Variants in FAM50A observed in about 807,000 individuals in gnomAD.
The protein encoded by FAM50A is protein FAM50A.
Under a neutral mutation model 35.5 loss-of-function variants are expected in FAM50A, and 6 were observed. That is an observed-to-expected ratio of 0.17 (90% CI 0.09 to 0.33). The LOEUF is 0.33. Ranked by LOEUF, FAM50A falls within the 10% of genes least tolerant of loss-of-function variation. The pLI is 1.00. For missense variants in FAM50A, 145 were observed against 295.5 expected (o/e 0.49, Z 3.73); for synonymous variants, 120 against 110.9 (o/e 1.08, Z -0.52).
At chrX:154,448,071 TC>T (rs1557200014) in intron 4 of FAM50A, among the ~76,000 whole-genome samples, 1 of 91,314 alleles carries the variant, frequency 1.1e-5, no homozygotes, top group African/African-American at 6.4e-5. Context: ...TTTTTTTCTT[TC>T]TTTTTTTTTT....
rs782419340 is a variant in FAM50A, at chrX:154,449,898, G to A, written c.796G>A (p.Asp266Asn). 3 of 1,211,370 alleles carry A rather than the reference G, an allele frequency of 2.5e-6. No individual in the cohort carries two copies. Among genetic ancestry groups the A allele is most frequent in the African/African-American group, 1.7e-5 (1 of 57,691 alleles). ...LIIPHHHSFY[D>N]FIVTKARGKS... is the part of the protein sequence containing the mutation. ...TGGCTCCCAGCATCACAGCTTCTAC[G>A]ACTTCATCGTCACCAAGGCACGGGG... The change falls in exon 10 of 13, where the codon GAC becomes AAC. Residue 266 changes from aspartate (D) to asparagine (N), a missense_variant. Asp to Asn is a conservative substitution (Grantham distance 23, BLOSUM62 1). Around this residue, in one of 5 missense-constraint regions of FAM50A, gnomAD observed 59 missense variants for 164.5 expected, o/e 0.36. Coordinates refer to ENST00000393600, the MANE Select transcript of FAM50A (RefSeq NM_004699.4).
At chrX:154,445,968 C>A in intron 3 of FAM50A, 57 bp downstream of exon 3, 1 of 975,881 alleles carries the variant, frequency 1.0e-6, no homozygotes, top group Non-Finnish European at 1.4e-6. Flanking sequence ...GGTCCCGTGG[C>A]TGGTCGGGCT....
intron 4 of FAM50A, among the ~76,000 whole-genome samples, chrX:154,447,928 G>A (rs1412415664): frequency 2.7e-5 from 3 of 111,160 alleles, no homozygotes; most frequent in African/African-American, 6.6e-5. Context: ...ACAAAACACT[G>A]CTTGGTGGGC....
At position 154,447,952 on chromosome X, in the gene FAM50A, C is replaced by T. The variant is rs3788801; in HGVS notation, c.443-532C>T. ...TGCTTGGTGGGCTCTTCCCTCCCTCCACAGGTTCCGTTTAGGGGGCCCAGC... is the reference window on the plus strand; with the variant it reads ...TGCTTGGTGGGCTCTTCCCTCCCTCTACAGGTTCCGTTTAGGGGGCCCAGC... On this transcript the variant is annotated intron_variant, in intron 4 of 12. Transcript: ENST00000393600. Among the ~76,000 whole-genome samples the T allele has an allele frequency of 1.9e-4, 21 of 111,240 alleles. 1 individual carries two copies. In the East Asian group the frequency reaches 5.9e-3, roughly 31 times the overall value.
rs782255264 is a variant in FAM50A at position 154,445,775 on chromosome X, G to A, written c.197-37G>A. ...CCCGGGCCACTCTTCCGCTGGCCCT[G>A]CGACTACCTTGCCCCTTGTGCCTCC... On this transcript the variant is annotated intron_variant, in intron 2 of 12. Transcript: ENST00000393600. 1.4e-5 allele frequency: 17 copies of A among 1,195,850 alleles called. 1 individual carries two copies. The South Asian group carries it at 2.3e-4, about 16-fold the overall frequency.
rs906782320 is a variant in FAM50A at position 154,448,949 on chromosome X, G to A, written c.643G>A (p.Val215Ile). 7 of 1,208,699 alleles carry A rather than the reference G, an allele frequency of 5.8e-6. No homozygotes were observed. The highest frequency in any genetic ancestry group is 7.8e-6 in the Non-Finnish European group (7 of 892,874). The change falls in exon 7 of 13, where the codon GTC becomes ATC. Residue 215 changes from valine to isoleucine, a missense_variant. Coordinates refer to ENST00000393600, the MANE Select transcript of FAM50A (RefSeq NM_004699.4). ...GGATGGCTCTGGGCACCGGCGGACA[G>A]TCAAGGTAGGCAGCGTGCAGCCTGC... ...YWDGSGHRRT[V>I]KMRKGNTMQQ...
Position 154,450,511 on chromosome X carries a change from G to A in FAM50A, c.*79G>A. ...GGTGTCACCGGGACTCCAGGCACCC[G>A]CTCCCCTGCGACCATGCCAGGCACG... On this transcript the variant is annotated 3_prime_UTR_variant, in exon 13 of 13. Coordinates refer to ENST00000393600, the MANE Select transcript of FAM50A (RefSeq NM_004699.4). The A allele has an allele frequency of 6.6e-6, 7 of 1,061,049 alleles. No individual in the cohort carries two copies. Among genetic ancestry groups the A allele is most frequent in the Admixed American group, 2.3e-5 (1 of 43,079 alleles). The allele number at this position is 1,061,049 out of a possible 1,213,427, so 87.4% of individuals were successfully genotyped here. A position where few individuals can be genotyped will look rare whatever the true frequency, so the allele number is the denominator to read the frequency against.
intron 3 of FAM50A, 52 bp downstream of exon 3, chrX:154,445,963 C>T (rs782425221): frequency 1.9e-5 from 19 of 1,007,691 alleles, no homozygotes; most frequent in Admixed American, 7.2e-5. Flanking sequence ...TACGGGGTCC[C>T]GTGGCTGGTC....
At position 154,449,699 on chromosome X, in the gene FAM50A, G is replaced by A; in HGVS notation, c.744G>A (p.Gln248=). 1.7e-6 allele frequency: 2 copies of A among 1,211,078 alleles called. No individual in the cohort carries two copies. The highest frequency in any genetic ancestry group is 2.2e-6 in the Non-Finnish European group (2 of 894,800). ...CCCTCAGGTCCGCAGGGGTGGAGCA[G>A]CTCATGTACATCAAGGAGGACTTGA... The part of the protein sequence containing the change: ...FSELRSAGVE[Q]LMYIKEDLII... The change falls in exon 9 of 13, where the codon CAG becomes CAA. Residue 248 remains glutamine, a synonymous_variant. Coordinates refer to ENST00000393600, the MANE Select transcript of FAM50A (RefSeq NM_004699.4).
rs1557200393 is a variant in FAM50A at position 154,450,203 on chromosome X, C to T, written c.901-6C>T. ...CAGGCGGCCCTGTGCCCTCTTCCTC[C>T]CTTAGTCCCATGCAGGCAAGGTGGT... On this transcript the variant is annotated splice_region_variant and splice_polypyrimidine_tract_variant and intron_variant, in intron 11 of 12. Transcript: ENST00000393600. 2 of 1,209,511 alleles carry T rather than the reference C, an allele frequency of 1.7e-6. No individual in the cohort carries two copies. The highest frequency in any genetic ancestry group is 1.8e-5 in the South Asian group (1 of 56,940).
chrX:154,449,848 C>T, intron 9 of FAM50A, 35 bp from the exon 10 acceptor site: 1 of 1,206,948 alleles, frequency 8.3e-7, no homozygotes, highest in African/African-American at 1.7e-5. Context: ...CGAGATGGAC[C>T]ATCAAGACGC....
Position 154,450,015 on chromosome X carries a change from C to T in FAM50A, c.830-14C>T. ...GCAGCAGCGGGACATTGGGCTGTCA[C>T]TTCTCCCCTGCAGGACCACTCTTCA... On this transcript the variant is annotated splice_polypyrimidine_tract_variant and intron_variant, in intron 10 of 12. Transcript: ENST00000393600. 8.3e-7 allele frequency: 1 copy of T among 1,210,961 alleles called. No homozygotes were observed. The highest frequency in any genetic ancestry group is 1.7e-5 in the African/African-American group (1 of 57,784).
rs368149714 is a variant in FAM50A, at chrX:154,448,781, G to A, written c.586+25G>A. On this transcript the variant is annotated intron_variant, in intron 6 of 12. Transcript: ENST00000393600. ...AGTGAGTGTTTGCGGAGTCAGACGC[G>A]AGGGGCCTGGGCCCAAGCCAGCTTC... The A allele has an allele frequency of 1.1e-5, 13 of 1,201,507 alleles. No homozygotes were observed. The African/African-American group carries it at 1.4e-4, about 13-fold the overall frequency.
Position 154,448,961 on chromosome X carries a change from A to G in FAM50A, c.648+7A>G, listed in dbSNP as rs1557200158. On this transcript the variant is annotated splice_region_variant and intron_variant, in intron 7 of 12. Coordinates refer to ENST00000393600, the MANE Select transcript of FAM50A (RefSeq NM_004699.4). Reference sequence around the variant, plus strand: ...GCACCGGCGGACAGTCAAGGTAGGCAGCGTGCAGCCTGCTTCCTGCTCACC... The same window carrying G: ...GCACCGGCGGACAGTCAAGGTAGGCGGCGTGCAGCCTGCTTCCTGCTCACC... 4 of 1,200,737 alleles carry G rather than the reference A, an allele frequency of 3.3e-6. No individual in the cohort carries two copies. In the South Asian group the frequency reaches 7.1e-5, roughly 21 times the overall value.
In FAM50A at chrX:154,446,493, G is replaced by A. The variant is rs782689779; in HGVS notation, c.375G>A (p.Glu125=). Residue 125 remains glutamate (E), a synonymous_variant, in exon 4 of 13, where the codon GAG becomes GAA. Coordinates refer to ENST00000393600, the MANE Select transcript of FAM50A (RefSeq NM_004699.4). ...RKISSLSFTL[E]EEEEGGEEEE... ...TCTCCAGCCTGTCCTTCACCCTGGA[G>A]GAGGAAGAAGAGGGAGGCGAGGAGG... is the stretch of plus-strand genomic sequence containing the variant. The A allele has an allele frequency of 5.0e-6, 6 of 1,206,480 alleles. No individual in the cohort carries two copies. The highest frequency in any genetic ancestry group is 6.7e-6 in the Non-Finnish European group (6 of 891,341).
rs1016417586 is a variant in FAM50A, at chrX:154,449,058, G to C, written c.648+104G>C. On this transcript the variant is annotated intron_variant, in intron 7 of 12. Coordinates refer to ENST00000393600, the MANE Select transcript of FAM50A (RefSeq NM_004699.4). ...TGACTTGGGAAGCCCCAGGGATCCT[G>C]AGGATAACTGGCTCCAGGGCCTGGC... 2.6e-5 allele frequency: 24 copies of C among 926,527 alleles called. No individual in the cohort carries two copies. In the African/African-American group the frequency reaches 3.9e-4, roughly 15 times the overall value. 76.4% of individuals were successfully genotyped at this position (926,527 alleles called of 1,213,427 possible). A position where few individuals can be genotyped will look rare whatever the true frequency, so the allele number is the denominator to read the frequency against.
At chrX:154,445,448 C>T (rs2068778651) in intron 1 of FAM50A, 185 bp from the exon 2 acceptor site, 1 of 456,559 alleles carries the variant, frequency 2.2e-6, no homozygotes, top group Non-Finnish European at 3.9e-6. Flanking sequence ...AGAGCCAGAG[C>T]AGCTCAGGGA....
In FAM50A at chrX:154,450,494, C is replaced by T. The variant is rs1003344448; in HGVS notation, c.*62C>T. 102 of 1,147,219 alleles carry T rather than the reference C, an allele frequency of 8.9e-5. 1 individual carries two copies. Among genetic ancestry groups the T allele is most frequent in the Admixed American group, 4.1e-4 (18 of 44,129 alleles). 94.5% of individuals were successfully genotyped at this position (1,147,219 alleles called of 1,213,427 possible). On this transcript the variant is annotated 3_prime_UTR_variant, in exon 13 of 13. Coordinates refer to ENST00000393600, the MANE Select transcript of FAM50A (RefSeq NM_004699.4). Reference sequence around the variant, plus strand: ...CCCTCAGTGTGCCCCGTGGTGTCACCGGGACTCCAGGCACCCGCTCCCCTG... The same window carrying T: ...CCCTCAGTGTGCCCCGTGGTGTCACTGGGACTCCAGGCACCCGCTCCCCTG...
chrX:154,444,457 C>G, intron 1 of FAM50A, 111 bp downstream of exon 1: 1 of 343,256 alleles, frequency 2.9e-6, no homozygotes, highest in South Asian at 8.8e-5. Context: ...GCGGGCGGCG[C>G]GCCGGGGCAG....
Sources: gnomAD v4.1 joint callset for allele counts (sites outside exome capture counted in the v4.1 genomes callset) on GRCh38, gnomAD v4.1.1 for gene constraint, gnomAD v4.1.1 regional missense constraint, MANE v1.5 for transcripts, NCBI Gene and HGNC (gene_info 2026-07-23, HGNC 2026-07-21) for gene names.